LAMA2: variants seen among roughly 807,000 people sequenced by gnomAD.
LAMA2 encodes laminin subunit alpha-2.
In LAMA2, 269 loss-of-function variants were observed where a neutral mutation model predicts 364.8. The observed-to-expected ratio is 0.74, with a 90% CI of 0.67 to 0.82. The LOEUF (loss-of-function observed/expected upper bound fraction) is 0.82. Among genes scored for constraint, LAMA2 ranks in the 40% least tolerant of loss-of-function variants. The pLI is 0.00. For missense variants in LAMA2, 3,807 were observed against 3,873.2 expected (o/e 0.98, Z 0.45); for synonymous variants, 1,379 against 1,370.6 (o/e 1.01, Z -0.14).
chr6:129,237,182 T>C (rs1785051584), intron 12 of LAMA2, among the ~76,000 whole-genome samples: 1 of 152,214 alleles, frequency 6.6e-6, no homozygotes, highest in Non-Finnish European at 1.5e-5. Context: ...AAAGCCACAT[T>C]GTAGAGTGCT....
At chr6:129,109,078 T>C (rs1450075040) in intron 4 of LAMA2, among the ~76,000 whole-genome samples, 1 of 152,146 alleles carries the variant, frequency 6.6e-6, no homozygotes, top group Non-Finnish European at 1.5e-5. Context: ...GTTTAACTTC[T>C]TTCCAGGCAT....
Position 129,478,684 on chromosome 6 carries a change from A to G in LAMA2, c.7452-9A>G, listed in dbSNP as rs748647936. On this transcript the variant is annotated splice_polypyrimidine_tract_variant and intron_variant, in intron 53 of 64. Transcript: ENST00000421865. ...TATTGCTTTTGCTTTTCATTTGACT[A>G]TTCAATAGGCCAGAAGTAAATCTGA... The G allele has an allele frequency of 1.1e-5, 18 of 1,613,264 alleles. No homozygotes were observed. In the African/African-American group the frequency reaches 2.0e-4, roughly 18 times the overall value.
chr6:129,047,534 G>T (rs552472368), intron 1 of LAMA2, among the ~76,000 whole-genome samples: 1 of 152,252 alleles, frequency 6.6e-6, no homozygotes, highest in South Asian at 2.1e-4. Context: ...TATTTTGGAG[G>T]AACAGGATTA....
intron 36 of LAMA2, 96 bp downstream of exon 36, chr6:129,391,749 T>C (rs1235134122): frequency 1.9e-6 from 2 of 1,071,992 alleles, no homozygotes; most frequent in Non-Finnish European, 2.8e-6. Flanking sequence ...AAGTAAAAGA[T>C]GCTTTGTTTT....
intron 17 of LAMA2, among the ~76,000 whole-genome samples, chr6:129,279,637 C>T (rs1788575202): frequency 6.6e-6 from 1 of 152,156 alleles, no homozygotes; most frequent in Non-Finnish European, 1.5e-5. Context: ...CTGCCACCAC[C>T]ACTACCACAT....
At chr6:128,952,329 T>TG (rs1342337744) in intron 1 of LAMA2, among the ~76,000 whole-genome samples, 1 of 152,168 alleles carries the variant, frequency 6.6e-6, no homozygotes, top group Admixed American at 6.5e-5. Context: ...CTAGTGCTTG[T>TG]GGTAATCTGG....
intron 3 of LAMA2, among the ~76,000 whole-genome samples, chr6:129,077,393 AG>A (rs1229196824): frequency 9.2e-5 from 14 of 152,216 alleles, no homozygotes; most frequent in East Asian, 3.8e-4. Context: ...GTGACAAAAT[AG>A]ATTTATTTAA....
At chr6:128,971,048 G>C (rs1782159418) in intron 1 of LAMA2, among the ~76,000 whole-genome samples, 1 of 152,142 alleles carries the variant, frequency 6.6e-6, no homozygotes, top group South Asian at 2.1e-4. Flanking sequence ...TCTCTCACTT[G>C]ATTTAGAAAG....
intron 28 of LAMA2, 105 bp from the exon 29 acceptor site, chr6:129,328,173 C>A: frequency 1.0e-6 from 1 of 953,692 alleles, no homozygotes; most frequent in Non-Finnish European, 1.7e-6. Context: ...GCCCCTGCCG[C>A]AGGTGGGGGA....
chr6:129,168,399 C>A (rs1779902768), intron 9 of LAMA2, among the ~76,000 whole-genome samples: 1 of 152,160 alleles, frequency 6.6e-6, no homozygotes, highest in African/African-American at 2.4e-5. Context: ...CCAGTTCTCC[C>A]AGCACCATTT....
intron 40 of LAMA2, among the ~76,000 whole-genome samples, chr6:129,411,170 A>G (rs1780522438): frequency 6.6e-6 from 1 of 152,184 alleles, no homozygotes; most frequent in Non-Finnish European, 1.5e-5. Flanking sequence ...TACAATTTAC[A>G]ATGACACTGG....
At chr6:128,924,103 C>T (rs576447958) in intron 1 of LAMA2, among the ~76,000 whole-genome samples, 1 of 152,088 alleles carries the variant, frequency 6.6e-6, no homozygotes, top group Non-Finnish European at 1.5e-5. Context: ...AAGAAATATC[C>T]TCCTAAATCT....
At chr6:128,968,601 A>T (rs1394984525) in intron 1 of LAMA2, among the ~76,000 whole-genome samples, 1 of 152,152 alleles carries the variant, frequency 6.6e-6, no homozygotes, top group Non-Finnish European at 1.5e-5. Flanking sequence ...CCAGCAAGGG[A>T]CTTTTCAGCT....
At chr6:129,177,076 T>G (rs947384131) in intron 9 of LAMA2, among the ~76,000 whole-genome samples, 6 of 152,328 alleles carry the variant, frequency 3.9e-5, no homozygotes, top group Middle Eastern at 3.4e-3. Flanking sequence ...TTATTTCTAT[T>G]TTTTAATCAA....
At position 129,443,064 on chromosome 6, in the gene LAMA2, A is replaced by T. The variant is rs767755286; in HGVS notation, c.6270A>T (p.Lys2090Asn). 1 of 1,594,928 alleles carries T rather than the reference A, an allele frequency of 6.3e-7. No individual in the cohort carries two copies. Among genetic ancestry groups the T allele is most frequent in the Non-Finnish European group, 8.6e-7 (1 of 1,166,540 alleles). Reference protein sequence around the residue: ...NAVVKDPSKNKIIADADATVK... With the variant: ...NAVVKDPSKNNIIADADATVK... ...GCTTCCATGTGAAATTGCCTGCAGA[A>T]ATCAGTACGTATATGTTTACTTATA... The change falls in exon 44 of 65, where the codon AAA becomes AAT. Residue 2090 changes from lysine to asparagine, a missense_variant and splice_region_variant. Lys to Asn is a moderately conservative substitution (Grantham distance 94). This residue lies in a region of LAMA2 where 3,333 missense variants were observed against 3,345.7 expected (regional missense o/e 1.00). Coordinates refer to ENST00000421865, the MANE Select transcript of LAMA2 (RefSeq NM_000426.4).
At chr6:128,895,825 A>T (rs904626936) in intron 1 of LAMA2, among the ~76,000 whole-genome samples, 2 of 152,102 alleles carry the variant, frequency 1.3e-5, no homozygotes, top group Non-Finnish European at 2.9e-5. Flanking sequence ...CAAAATATGG[A>T]ATTTCCTTCA....
chr6:129,031,280 T>A (rs1477967772), intron 1 of LAMA2, among the ~76,000 whole-genome samples: 4 of 152,198 alleles, frequency 2.6e-5, no homozygotes, highest in Non-Finnish European at 5.9e-5. Context: ...GATGCTTGAG[T>A]CAGCTATGAA....
chr6:129,501,216 T>C (rs73776195), intron 58 of LAMA2, among the ~76,000 whole-genome samples: 5,217 of 152,230 alleles, frequency 0.034, 191 homozygotes, highest in African/African-American at 0.09. Context: ...ACAGAGGCCT[T>C]TCCATTCGGG....
Position 129,174,826 on chromosome 6 carries a change from T to TCTAC in LAMA2, c.1307-2856_1307-2853dup, listed in dbSNP as rs527412635. Among the ~76,000 whole-genome samples the TCTAC allele has an allele frequency of 4.5e-3, 692 of 152,220 alleles. 9 individuals are homozygous for TCTAC. Among genetic ancestry groups the TCTAC allele is most frequent in the African/African-American group, 0.014 (576 of 41,542 alleles). ...TATCTGCCATCTGTCTTTCGATCTATCTACCTACCTACCTACCTACCTACC... is the reference window on the plus strand; with the variant it reads ...TATCTGCCATCTGTCTTTCGATCTATCTACCTACCTACCTACCTACCTACCTACC... On this transcript the variant is annotated intron_variant, in intron 9 of 64. Transcript: ENST00000421865.
Sources: allele counts gnomAD v4.1 joint callset (sites outside exome capture counted in the v4.1 genomes callset), GRCh38; gene constraint gnomAD v4.1.1; regional missense constraint gnomAD v4.1.1; transcripts MANE v1.5; gene names NCBI Gene and HGNC (gene_info 2026-07-23, HGNC 2026-07-21).